NRXN1: variants seen among roughly 807,000 people sequenced by gnomAD.
NRXN1 encodes neurexin-1.
Under a neutral mutation model 150.9 loss-of-function variants are expected in NRXN1, and 39 were observed. The ratio of observed to expected loss-of-function variants is 0.26; its 90% CI spans 0.20 to 0.34. The LOEUF is 0.34. Ranked by LOEUF, NRXN1 falls within the 10% of genes least tolerant of loss-of-function variation. NRXN1 has a pLI of 1.00. For missense variants in NRXN1, 1,815 were observed against 1,949.9 expected (o/e 0.93, Z 1.30); for synonymous variants, 924 against 757.0 (o/e 1.22, Z -3.62).
Position 50,531,448 on chromosome 2 carries a change from AT to A in NRXN1, c.2144-19del. 1.3e-6 allele frequency: 2 copies of A among 1,591,938 alleles called. No individual in the cohort carries two copies. Among genetic ancestry groups the A allele is most frequent in the Non-Finnish European group, 1.7e-6 (2 of 1,164,968 alleles). ...CGTTGCCTCTAGAGATGGAAAATGA[AT>A]ATGATAAGTTCTTGGATGGTATAGC... On this transcript the variant is annotated intron_variant, in intron 10 of 22. Transcript: ENST00000401669.
At chr2:50,730,062 T>C (rs1198529423) in intron 5 of NRXN1, among the ~76,000 whole-genome samples, 2 of 152,188 alleles carry the variant, frequency 1.3e-5, no homozygotes, top group African/African-American at 2.4e-5. Context: ...GCATGTTCTA[T>C]TTCCATAGCA....
intron 17 of NRXN1, among the ~76,000 whole-genome samples, chr2:50,246,880 C>T (rs1199241603): frequency 6.6e-6 from 1 of 152,016 alleles, no homozygotes; most frequent in African/African-American, 2.4e-5. Context: ...AAAAAGTATG[C>T]ATCCTGAAGA....
At chr2:50,481,760 C>CTTTTTTTTGTTTTTTTTT (rs2090475189) in intron 15 of NRXN1, among the ~76,000 whole-genome samples, 1 of 82,956 alleles carries the variant, frequency 1.2e-5, no homozygotes, top group Non-Finnish European at 2.0e-5. Flanking sequence ...ACTTTTGTTT[C>CTTTTTTTTGTTTTTTTTT]TTTTTTTTTT....
At chr2:50,478,355 C>A (rs557600348) in intron 15 of NRXN1, among the ~76,000 whole-genome samples, 2 of 152,124 alleles carry the variant, frequency 1.3e-5, no homozygotes, top group South Asian at 4.1e-4. Context: ...AGAAACCACA[C>A]AGAAATGAAC....
At chr2:50,544,450 C>G (rs958484682) in intron 9 of NRXN1, among the ~76,000 whole-genome samples, 2 of 151,874 alleles carry the variant, frequency 1.3e-5, no homozygotes, top group Non-Finnish European at 2.9e-5. Flanking sequence ...TATTTGAAAA[C>G]AAAACAAAAA....
intron 22 of NRXN1, among the ~76,000 whole-genome samples, chr2:49,941,141 T>G (rs1671906023): frequency 6.6e-6 from 1 of 151,880 alleles, no homozygotes; most frequent in Admixed American, 6.6e-5. Flanking sequence ...CTTCATGGAA[T>G]TTACCTTGTG....
At chr2:50,683,408 G>A (rs574629441) in intron 5 of NRXN1, among the ~76,000 whole-genome samples, 302 of 150,320 alleles carry the variant, frequency 2.0e-3, no homozygotes, top group African/African-American at 7.0e-3. Flanking sequence ...CGAGGTGGGC[G>A]GATCACGAGG....
intron 5 of NRXN1, among the ~76,000 whole-genome samples, chr2:50,635,662 A>C (rs1333107303): frequency 1.3e-5 from 2 of 152,102 alleles, no homozygotes; most frequent in South Asian, 2.1e-4. Flanking sequence ...TCCCTCAATT[A>C]CTTTTGGTAA....
chr2:50,457,702 TA>T (rs35177794), intron 17 of NRXN1, among the ~76,000 whole-genome samples: 10 of 151,600 alleles, frequency 6.6e-5, no homozygotes, highest in African/African-American at 1.2e-4. Flanking sequence ...AACAGGAATA[TA>T]AAAAAAATGC....
At chr2:50,942,546 G>C (rs1558462633) in intron 2 of NRXN1, among the ~76,000 whole-genome samples, 1 of 152,218 alleles carries the variant, frequency 6.6e-6, no homozygotes, top group Non-Finnish European at 1.5e-5. Context: ...GCATCTGCAT[G>C]TCTTGGATAT....
intron 5 of NRXN1, among the ~76,000 whole-genome samples, chr2:50,770,886 A>G (rs1441324695): frequency 6.6e-6 from 1 of 152,084 alleles, no homozygotes; most frequent in Non-Finnish European, 1.5e-5. Context: ...TACTTCAGAT[A>G]TTCAATACAT....
At chr2:50,776,223 C>T (rs1293335211) in intron 5 of NRXN1, among the ~76,000 whole-genome samples, 2 of 152,050 alleles carry the variant, frequency 1.3e-5, no homozygotes, top group African/African-American at 2.4e-5. Flanking sequence ...CAAGACTTAA[C>T]AGAAACATTT....
chr2:50,570,110 T>C (rs1322457204), intron 8 of NRXN1, among the ~76,000 whole-genome samples: 1 of 152,180 alleles, frequency 6.6e-6, no homozygotes, highest in Non-Finnish European at 1.5e-5. Flanking sequence ...CTGTAGAATA[T>C]TTCTATTGAT....
In NRXN1 at chr2:50,077,340, A is replaced by G. The variant is rs529563173; in HGVS notation, c.3718+13983T>C. 3.9e-5 allele frequency among the ~76,000 whole-genome samples: 6 copies of G among 152,240 alleles called. No homozygotes were observed. In the South Asian group the frequency reaches 1.0e-3, roughly 26 times the overall value. ...CAACATGAATTTCCTTTATTGAATC[A>G]ATTTGACAGATTTAACATTCTATTT... On this transcript the variant is annotated intron_variant, in intron 19 of 22. Transcript: ENST00000401669.
At chr2:50,537,542 T>G (rs771242836) in intron 10 of NRXN1, among the ~76,000 whole-genome samples, 2 of 151,968 alleles carry the variant, frequency 1.3e-5, no homozygotes, top group Non-Finnish European at 1.5e-5. Flanking sequence ...AAAAGAAAAA[T>G]AAAATGTGGG....
chr2:50,048,923 C>T (rs12470518), intron 21 of NRXN1, among the ~76,000 whole-genome samples: 20,941 of 151,992 alleles, frequency 0.14, 1,985 homozygotes, highest in East Asian at 0.4. Context: ...AGTCAAAAAC[C>T]AGAATCTCTC....
intron 17 of NRXN1, among the ~76,000 whole-genome samples, chr2:50,356,899 T>A (rs1228288393): frequency 6.6e-6 from 1 of 152,216 alleles, no homozygotes; most frequent in Non-Finnish European, 1.5e-5. Flanking sequence ...TTTAGGCACC[T>A]AATCAAAGAG....
At chr2:50,490,290 T>C (rs185595054) in intron 15 of NRXN1, among the ~76,000 whole-genome samples, 1 of 152,322 alleles carries the variant, frequency 6.6e-6, no homozygotes, top group East Asian at 1.9e-4. Flanking sequence ...TAATTTCACC[T>C]TTCCCATCTT....
chr2:50,236,948 GC>G lies in NRXN1; in HGVS notation c.3386del (p.Ser1129ThrfsTer26). 6.2e-7 allele frequency: 1 copy of G among 1,613,200 alleles called. No homozygotes were observed. Among genetic ancestry groups the G allele is most frequent in the Non-Finnish European group, 8.5e-7 (1 of 1,179,518 alleles). ...TATACGTGATTTGTCCACCACCTTT[GC>G]TAAAGATATATGTCGTCCCAGCTGG... ...CNDPGTTYIFSKGGGQITYKW... is the reference protein window; with the variant it reads ...CNDPGTTYIFXKGGGQITYKW... On this transcript the variant is annotated frameshift_variant, in exon 18 of 23. Coordinates refer to ENST00000401669, the MANE Select transcript of NRXN1 (RefSeq NM_001330078.2). LOFTEE classifies it high-confidence loss of function.
Sources: gnomAD v4.1 joint callset for allele counts (sites outside exome capture counted in the v4.1 genomes callset) on GRCh38, gnomAD v4.1.1 for gene constraint, MANE v1.5 for transcripts, NCBI Gene and HGNC (gene_info 2026-07-23, HGNC 2026-07-21) for gene names.